ZFHX3: variants seen among roughly 807,000 people sequenced by gnomAD.
The protein encoded by ZFHX3 is zinc finger homeobox 3, also known as zinc finger homeobox protein 3.
ZFHX3 carries 42 observed loss-of-function variants against 279.1 expected under a neutral mutation model. That is an observed-to-expected ratio of 0.15 (90% CI 0.12 to 0.19). The LOEUF is 0.19. Among genes scored for constraint, ZFHX3 ranks in the 10% least tolerant of loss-of-function variants. The pLI is 1.00. For missense variants in ZFHX3, 4,981 were observed against 4,754.0 expected, an observed-to-expected ratio of 1.05 and a Z score of -1.40; for synonymous variants, 2,293 against 1,957.8, an observed-to-expected ratio of 1.17 and a Z score of -4.52.
Position 73,266,291 on chromosome 16 carries a change from T to C in ZFHX3, c.-1193-9155A>G, listed in dbSNP as rs751474171. On this transcript the variant is annotated intron_variant, in intron 4 of 17. Coordinates refer to the ZFHX3 transcript ENST00000641206. ...CATTTATTTGTGGGTGGGTATGGAA[T>C]GTTACTGCTACACATTTTAAATAAT... Among the ~76,000 whole-genome samples, 30 of 152,370 alleles carry C rather than the reference T, an allele frequency of 2.0e-4. 1 individual carries two copies. The highest frequency in any genetic ancestry group is 5.2e-4 in the Admixed American group (8 of 15,312).
At chr16:73,175,257 G>A (rs945939933) in intron 5 of ZFHX3, among the ~76,000 whole-genome samples, 3 of 151,764 alleles carry the variant, frequency 2.0e-5, no homozygotes, top group African/African-American at 7.3e-5. Flanking sequence ...GCTCATGCCT[G>A]TAATCCCAGC....
intron 3 of ZFHX3, among the ~76,000 whole-genome samples, chr16:73,399,715 G>A (rs1288437532): frequency 6.6e-6 from 1 of 152,136 alleles, no homozygotes; most frequent in Admixed American, 6.6e-5. Flanking sequence ...GGGGACTGGA[G>A]AGATGTGTCA....
chr16:73,562,883 A>G (rs954068131), intron 2 of ZFHX3, among the ~76,000 whole-genome samples: 1 of 152,204 alleles, frequency 6.6e-6, no homozygotes, highest in Non-Finnish European at 1.5e-5. Context: ...CTGTTAAGTG[A>G]TACTTCAGAA....
At chr16:73,190,063 C>G (rs2144887601) in intron 5 of ZFHX3, among the ~76,000 whole-genome samples, 1 of 152,306 alleles carries the variant, frequency 6.6e-6, no homozygotes, top group South Asian at 2.1e-4. Context: ...CAGTGGTGAG[C>G]CTCCCTAGGA....
At chr16:73,102,684 T>G (rs1047329374) in intron 7 of ZFHX3, among the ~76,000 whole-genome samples, 1 of 152,194 alleles carries the variant, frequency 6.6e-6, no homozygotes, top group Non-Finnish European at 1.5e-5. Context: ...AAAACCACCA[T>G]CTGGGTTTGA....
intron 4 of ZFHX3, among the ~76,000 whole-genome samples, chr16:73,258,780 A>G (rs775133243): frequency 4.6e-5 from 7 of 152,202 alleles, no homozygotes; most frequent in Non-Finnish European, 7.3e-5. Flanking sequence ...GGACAATAAA[A>G]TGGTATAAAT....
chr16:73,037,693 G>GT (rs1964962374), intron 1 of ZFHX3, among the ~76,000 whole-genome samples: 1 of 152,154 alleles, frequency 6.6e-6, no homozygotes, highest in South Asian at 2.1e-4. Context: ...ATTAGGGACA[G>GT]TAAAAAGTGA....
chr16:72,912,022 A>G (rs2039331303), intron 3 of ZFHX3, among the ~76,000 whole-genome samples: 1 of 152,248 alleles, frequency 6.6e-6, no homozygotes, highest in Non-Finnish European at 1.5e-5. Context: ...CATTCTAAGT[A>G]AAATGAGGCT....
At chr16:73,361,992 C>T (rs1387729110) in intron 3 of ZFHX3, among the ~76,000 whole-genome samples, 1 of 152,162 alleles carries the variant, frequency 6.6e-6, no homozygotes, top group Non-Finnish European at 1.5e-5. Flanking sequence ...ATCAATCAGC[C>T]AGGGAATTTA....
At chr16:73,851,234 C>T (rs914620009) in intron 1 of ZFHX3, among the ~76,000 whole-genome samples, 7 of 152,032 alleles carry the variant, frequency 4.6e-5, no homozygotes, top group Non-Finnish European at 7.4e-5. Context: ...TTCAGCAGGG[C>T]CCAGCACATA....
intron 1 of ZFHX3, among the ~76,000 whole-genome samples, chr16:72,985,208 GAACGTA>G (rs1962793630): frequency 6.6e-6 from 1 of 151,960 alleles, no homozygotes; most frequent in Non-Finnish European, 1.5e-5. Context: ...GAGAAAAGGG[GAACGTA>G]AACATGAACC....
At chr16:73,519,747 A>G (rs74028699) in intron 2 of ZFHX3, among the ~76,000 whole-genome samples, 1,928 of 152,276 alleles carry the variant, frequency 0.013, 39 homozygotes, top group African/African-American at 0.043. Flanking sequence ...GAGGGGTTGA[A>G]GTGTTACCAT....
At chr16:73,315,142 C>T (rs1477272627) in intron 4 of ZFHX3, among the ~76,000 whole-genome samples, 1 of 151,240 alleles carries the variant, frequency 6.6e-6, no homozygotes, top group Non-Finnish European at 1.5e-5. Context: ...GCAGGAGAAG[C>T]GCTTGAACCT....
At chr16:73,021,984 G>A (rs1420518931) in intron 1 of ZFHX3, among the ~76,000 whole-genome samples, 1 of 152,158 alleles carries the variant, frequency 6.6e-6, no homozygotes, top group South Asian at 2.1e-4. Flanking sequence ...TTACTCAAAT[G>A]TCACCTTCTC....
intron 1 of ZFHX3, among the ~76,000 whole-genome samples, chr16:73,738,039 T>C (rs2053624139): frequency 6.6e-6 from 1 of 152,202 alleles, no homozygotes; most frequent in African/African-American, 2.4e-5. Flanking sequence ...TATTGATTTA[T>C]GCCCTCCACA....
chr16:73,696,970 T>G (rs892881352), intron 1 of ZFHX3, among the ~76,000 whole-genome samples: 1 of 152,078 alleles, frequency 6.6e-6, no homozygotes, highest in Non-Finnish European at 1.5e-5. Context: ...TCTGTTTGCT[T>G]ACAGACCATC....
chr16:72,933,662 G>A (rs1431033136), intron 3 of ZFHX3, among the ~76,000 whole-genome samples: 3 of 152,014 alleles, frequency 2.0e-5, no homozygotes, highest in Non-Finnish European at 2.9e-5. Context: ...AGCATGCACA[G>A]CCTCAACTAC....
At chr16:73,364,950 T>C (rs1388467070) in intron 3 of ZFHX3, among the ~76,000 whole-genome samples, 1 of 152,152 alleles carries the variant, frequency 6.6e-6, no homozygotes, top group East Asian at 1.9e-4. Context: ...AGGACACACG[T>C]CGCCTCCACC....
intron 3 of ZFHX3, among the ~76,000 whole-genome samples, chr16:73,398,571 A>G (rs1385926267): frequency 6.6e-6 from 1 of 152,236 alleles, no homozygotes; most frequent in East Asian, 1.9e-4. Flanking sequence ...GAGCATTTAT[A>G]ACACAGAAAC....
Sources: gnomAD v4.1 joint callset for allele counts (sites outside exome capture counted in the v4.1 genomes callset) on GRCh38, gnomAD v4.1.1 for gene constraint, MANE v1.5 for transcripts, NCBI Gene and HGNC (gene_info 2026-07-23, HGNC 2026-07-21) for gene names.